The following PTGFRN variants were observed in gnomAD, a reference collection of about 807,000 sequenced individuals.
PTGFRN encodes the protein prostaglandin F2 receptor inhibitor, also known as prostaglandin F2 receptor negative regulator.
In PTGFRN, 35 loss-of-function variants were observed where a neutral mutation model predicts 83.2. That is an observed-to-expected ratio of 0.42 (90% CI 0.32 to 0.56). The LOEUF is 0.56. Among genes scored for constraint, PTGFRN ranks in the 20% least tolerant of loss-of-function variants. The pLI is 0.11. For missense variants in PTGFRN, 1,051 were observed against 1,179.5 expected, an observed-to-expected ratio of 0.89 and a Z score of 1.60; for synonymous variants, 519 against 498.6, an observed-to-expected ratio of 1.04 and a Z score of -0.55.
intron 4 of PTGFRN, among the ~76,000 whole-genome samples, chr1:116,951,476 C>T (rs542797688): frequency 1.3e-4 from 20 of 152,290 alleles, no homozygotes; most frequent in African/African-American, 4.1e-4. Context: ...ATGTAATAAG[C>T]ACTCAATAAA....
chr1:116,964,603 A>G (rs1302733299), intron 5 of PTGFRN, among the ~76,000 whole-genome samples: 2 of 152,152 alleles, frequency 1.3e-5, no homozygotes, highest in Admixed American at 1.3e-4. Flanking sequence ...AATACCATCT[A>G]GAAACCAGTG....
chr1:116,970,384 TTGAGA>T (rs1235377224), intron 6 of PTGFRN, among the ~76,000 whole-genome samples: 1 of 152,216 alleles, frequency 6.6e-6, no homozygotes, highest in East Asian at 1.9e-4. Flanking sequence ...TCTCTGTCTG[TTGAGA>T]TGAGATTATT....
intron 7 of PTGFRN, among the ~76,000 whole-genome samples, chr1:116,977,162 A>G (rs1011265508): frequency 6.6e-6 from 1 of 152,238 alleles, no homozygotes; most frequent in Admixed American, 6.5e-5. Context: ...CAATTCAACA[A>G]GAAGAACTAA....
intron 1 of PTGFRN, among the ~76,000 whole-genome samples, chr1:116,939,586 A>C (rs762943242): frequency 1.3e-5 from 2 of 152,170 alleles, no homozygotes; most frequent in Admixed American, 6.5e-5. Flanking sequence ...CTGCCATGAA[A>C]ACCTCTGACA....
chr1:116,986,827 C>G lies in PTGFRN; in HGVS notation c.2500C>G (p.Leu834Val). Residue 834 changes from leucine to valine, a missense_variant, in exon 9 of 9, where the codon CTG (leucine) becomes GTG (valine). Coordinates refer to ENST00000393203, the MANE Select transcript of PTGFRN (RefSeq NM_020440.4). ...GCTGAACGCCTTCAAGTATCCCTTG[C>G]TGATCGGCGTCGGTCTGTCCACGGT... ...DVLNAFKYPL[L>V]IGVGLSTVIG... 6.2e-7 allele frequency: 1 copy of G among 1,614,130 alleles called. No individual in the cohort carries two copies.
At chr1:116,973,727 G>A (rs1651067054) in intron 6 of PTGFRN, among the ~76,000 whole-genome samples, 1 of 151,996 alleles carries the variant, frequency 6.6e-6, no homozygotes, top group Non-Finnish European at 1.5e-5. Flanking sequence ...TGACATGTCT[G>A]TCTTCTTACC....
rs1327154969 is a variant in PTGFRN at position 116,989,454 on chromosome 1, C to T, written c.*2487C>T. On this transcript the variant is annotated 3_prime_UTR_variant, in exon 9 of 9. Transcript: ENST00000393203. The stretch of plus-strand genomic sequence containing the variant: ...TTTTGTTGTACCAAATAGGGCTCCC[C>T]ACCCCACCCCTGCGACAAGTGCTCT... The T allele has an allele frequency of 2.0e-5, 3 of 152,660 alleles. No homozygotes were observed. The East Asian group carries it at 5.8e-4, about 29-fold the overall frequency. The allele number at this position is 152,660 out of a possible 1,614,324, so 9.5% of individuals were successfully genotyped here.
chr1:116,974,372 T>C (rs117152606), intron 7 of PTGFRN, 49 bp downstream of exon 7: 1 of 1,386,436 alleles, frequency 7.2e-7, no homozygotes, highest in East Asian at 2.3e-5. Flanking sequence ...TCTGTAAATG[T>C]TTCTCATATC....
intron 1 of PTGFRN, among the ~76,000 whole-genome samples, chr1:116,931,894 G>A (rs1232656472): frequency 1.3e-5 from 2 of 152,134 alleles, no homozygotes; most frequent in Non-Finnish European, 1.5e-5. Flanking sequence ...GTGGGAATTA[G>A]GCACCCATTT....
intron 1 of PTGFRN, among the ~76,000 whole-genome samples, chr1:116,914,727 T>C (rs567412268): frequency 6.6e-6 from 1 of 151,906 alleles, no homozygotes; most frequent in South Asian, 2.1e-4. Flanking sequence ...GCACTCCAGC[T>C]TGGGTAACAA....
At chr1:116,972,122 T>TG (rs1227204851) in intron 6 of PTGFRN, among the ~76,000 whole-genome samples, 1 of 152,178 alleles carries the variant, frequency 6.6e-6, no homozygotes, top group Non-Finnish European at 1.5e-5. Context: ...GGCCTAATCC[T>TG]GCCCCACCTC....
Position 116,961,178 on chromosome 1 carries a change from TTTG to T in PTGFRN, c.1214-62_1214-60del. ...CAAGAGCAGTCCTTGTCTCATTCCTTTTGTTAATTCTTGCCATGTTACTCTAAT... is the reference window on the plus strand; with the variant it reads ...CAAGAGCAGTCCTTGTCTCATTCCTTTTAATTCTTGCCATGTTACTCTAAT... On this transcript the variant is annotated intron_variant, in intron 4 of 8. Transcript: ENST00000393203. The surrounding 1 kb of genome is among the most constrained non-coding windows in gnomAD (Gnocchi z 5.4). The T allele has an allele frequency of 6.9e-6, 10 of 1,452,682 alleles. No homozygotes were observed. Among genetic ancestry groups the T allele is most frequent in the Non-Finnish European group, 9.2e-6 (10 of 1,089,126 alleles). The allele number at this position is 1,452,682 out of a possible 1,614,324, so 90.0% of individuals were successfully genotyped here. A position where few individuals can be genotyped will look rare whatever the true frequency, so the allele number is the denominator to read the frequency against.
At chr1:116,962,834 C>T (rs538181450) in intron 5 of PTGFRN, among the ~76,000 whole-genome samples, 1 of 152,344 alleles carries the variant, frequency 6.6e-6, no homozygotes, top group Admixed American at 6.5e-5. Flanking sequence ...CATCGTCCTT[C>T]ACTGCCATTG....
Position 116,910,761 on chromosome 1 carries a change from C to T in PTGFRN, c.49+509C>T, listed in dbSNP as rs575575414. ...GAGAGAATCCTCCAACTTCCTTCCA[C>T]GAAGGTCACAGGGTGGCCCGGAGCG... On this transcript the variant is annotated intron_variant, in intron 1 of 8. Coordinates refer to ENST00000393203, the MANE Select transcript of PTGFRN (RefSeq NM_020440.4). Among the ~76,000 whole-genome samples, 11 of 152,258 alleles carry T rather than the reference C, an allele frequency of 7.2e-5. No homozygotes were observed. The South Asian group carries it at 2.1e-3, about 29-fold the overall frequency.
chr1:116,977,695 C>T (rs1386769109), intron 7 of PTGFRN, among the ~76,000 whole-genome samples: 1 of 152,118 alleles, frequency 6.6e-6, no homozygotes, highest in Non-Finnish European at 1.5e-5. Flanking sequence ...CACAACATAC[C>T]AGAATCTCTG....
chr1:116,914,081 C>A (rs889189838), intron 1 of PTGFRN, among the ~76,000 whole-genome samples: 14 of 152,140 alleles, frequency 9.2e-5, no homozygotes, highest in Non-Finnish European at 2.1e-4. Context: ...TATAACAATG[C>A]GAGGGAGATG....
In PTGFRN at chr1:116,984,731, A is replaced by G. The variant is rs1651412516; in HGVS notation, c.2219A>G (p.Asp740Gly). The change falls in exon 8 of 9, where the codon GAC (aspartate) becomes GGC (glycine). Residue 740 changes from aspartate to glycine, a missense_variant. Coordinates refer to ENST00000393203, the MANE Select transcript of PTGFRN (RefSeq NM_020440.4). ...SWFAVHSFGL[D>G]KAPVLLSSLD... ...TTTGCGGTGCACTCTTTTGGCCTGGACAAGGCTCCTGTGCTCCTGTCTTCC... is the reference window on the plus strand; with the variant it reads ...TTTGCGGTGCACTCTTTTGGCCTGGGCAAGGCTCCTGTGCTCCTGTCTTCC... The G allele has an allele frequency of 3.1e-6, 5 of 1,614,054 alleles. No individual in the cohort carries two copies. Among genetic ancestry groups the G allele is most frequent in the Non-Finnish European group, 2.5e-6 (3 of 1,180,042 alleles).
intron 4 of PTGFRN, among the ~76,000 whole-genome samples, chr1:116,950,021 G>A (rs372642646): frequency 5.3e-5 from 8 of 151,308 alleles, no homozygotes; most frequent in Non-Finnish European, 1.0e-4. Context: ...TTCACGTCAC[G>A]CCCTGGAATC....
intron 1 of PTGFRN, among the ~76,000 whole-genome samples, chr1:116,939,401 G>A (rs1187347489): frequency 6.6e-6 from 1 of 152,234 alleles, no homozygotes; most frequent in African/African-American, 2.4e-5. Context: ...TTGACACCAC[G>A]TGGCAGCTGC....
Sources: gnomAD v4.1 joint callset for allele counts (sites outside exome capture counted in the v4.1 genomes callset) on GRCh38, gnomAD v4.1.1 for gene constraint, Gnocchi (gnomAD v3.1) non-coding constraint, MANE v1.5 for transcripts, NCBI Gene and HGNC (gene_info 2026-07-23, HGNC 2026-07-21) for gene names.